The following ARPC5L variants were observed in gnomAD, a reference collection of about 807,000 sequenced individuals.
ARPC5L encodes actin related protein 2/3 complex subunit 5 like.
A neutral mutation model predicts 16.9 loss-of-function variants in ARPC5L; 4 were observed. That is an observed-to-expected ratio of 0.24 (90% CI 0.12 to 0.54). The LOEUF is 0.54. ARPC5L is among the 20% of genes least tolerant of loss of function. The pLI is 0.95. For synonymous variants in ARPC5L, 78 were observed against 82.6 expected (o/e 0.94, Z 0.30); for missense variants, 151 against 201.9 (o/e 0.75, Z 1.53).
At position 124,877,263 on chromosome 9, in the gene ARPC5L, G is replaced by T; in HGVS notation, c.*323G>T. ...ATGGTTTGGGCAGGTGCAGATCCAA[G>T]GGCTGTGGTAAACGGGAGAGCTTGT... On this transcript the variant is annotated 3_prime_UTR_variant, in exon 6 of 6. Transcript: ENST00000353214. 1 of 275,008 alleles carries T rather than the reference G, an allele frequency of 3.6e-6. No individual in the cohort carries two copies. Among genetic ancestry groups the T allele is most frequent in the Non-Finnish European group, 6.8e-6 (1 of 147,156 alleles). The allele number at this position is 275,008 out of a possible 1,614,324, so 17.0% of individuals were successfully genotyped here.
At chr9:124,865,357 G>C (rs956371950) in intron 2 of ARPC5L, among the ~76,000 whole-genome samples, 3 of 147,762 alleles carry the variant, frequency 2.0e-5, no homozygotes, top group Non-Finnish European at 4.4e-5. Flanking sequence ...ATGGTGCACA[G>C]TGCCTTTGCT....
chr9:124,864,207 A>C (rs1356089988), intron 2 of ARPC5L, 100 bp downstream of exon 2: 2 of 150,942 alleles, frequency 1.3e-5, no homozygotes, highest in African/African-American at 4.9e-5. Context: ...TTTTTTTGAA[A>C]TGGAGTCTTG....
At position 124,876,965 on chromosome 9, in the gene ARPC5L, C is replaced by T. The variant is rs749853895; in HGVS notation, c.*25C>T. ...AAAAAAATAAAAAGACTCATGTTAC[C>T]TTGAGAAGAATTCTGGATGCCCAGG... On this transcript the variant is annotated 3_prime_UTR_variant, in exon 6 of 6. Transcript: ENST00000353214. 11 of 1,589,158 alleles carry T rather than the reference C, an allele frequency of 6.9e-6. No homozygotes were observed. Among genetic ancestry groups the T allele is most frequent in the East Asian group, 2.2e-5 (1 of 44,582 alleles).
chr9:124,870,594 G>A (rs1829342275), intron 3 of ARPC5L, among the ~76,000 whole-genome samples: 1 of 152,192 alleles, frequency 6.6e-6, no homozygotes, highest in Admixed American at 6.5e-5. Context: ...GTTTTCCGAA[G>A]TGGAGATTCA....
Position 124,862,408 on chromosome 9 carries a change from G to A in ARPC5L, c.-984+10G>A, listed in dbSNP as rs1286664186. On this transcript the variant is annotated intron_variant, in intron 1 of 5. Coordinates refer to ENST00000353214, the MANE Select transcript of ARPC5L (RefSeq NM_030978.3). ...GGCTCACGTCGCGGAGGAATTTAAA[G>A]CGCGAGATGGACGGGAGGGGCGGGC... The A allele has an allele frequency of 6.4e-6, 1 of 156,318 alleles. No homozygotes were observed. Among genetic ancestry groups the A allele is most frequent in the Non-Finnish European group, 1.4e-5 (1 of 70,938 alleles). 9.7% of individuals were successfully genotyped at this position (156,318 alleles called of 1,614,324 possible). A position where few individuals can be genotyped will look rare whatever the true frequency, so the allele number is the denominator to read the frequency against.
intron 2 of ARPC5L, among the ~76,000 whole-genome samples, chr9:124,865,308 CTCTG>C (rs1829253645): frequency 9.9e-6 from 1 of 101,016 alleles, no homozygotes; most frequent in African/African-American, 3.9e-5. Flanking sequence ...AAGAGGGAAA[CTCTG>C]TCTAAAAAAA....
At chr9:124,873,994 G>A (rs138998756) in intron 4 of ARPC5L, among the ~76,000 whole-genome samples, 13 of 152,314 alleles carry the variant, frequency 8.5e-5, no homozygotes, top group Admixed American at 5.2e-4. Flanking sequence ...TCCTGCTCAC[G>A]GCCTCGTAGG....
rs554791164 is a variant in ARPC5L, at chr9:124,871,748, C to T, written c.150-1944C>T. Among the ~76,000 whole-genome samples, 9 of 152,128 alleles carry T rather than the reference C, an allele frequency of 5.9e-5. No homozygotes were observed. In the South Asian group the frequency reaches 1.5e-3, roughly 25 times the overall value. On this transcript the variant is annotated intron_variant, in intron 3 of 5. Transcript: ENST00000353214. ...CTCTGTCCAGAGCAGTGGTTGTGAGCGATTTTGCACCCTTCCCCTCCACCC... is the reference window on the plus strand; with the variant it reads ...CTCTGTCCAGAGCAGTGGTTGTGAGTGATTTTGCACCCTTCCCCTCCACCC...
Position 124,869,139 on chromosome 9 carries a change from G to C in ARPC5L, c.-152G>C. On this transcript the variant is annotated 5_prime_UTR_variant, in exon 3 of 6. Transcript: ENST00000353214. ...GATCCGGCGGGTGCCGGAAGTGGGC[G>C]GGCGGCGGCGGCTGCGCGCGGAGGC... 1 of 932,472 alleles carries C rather than the reference G, an allele frequency of 1.1e-6. No individual in the cohort carries two copies. The highest frequency in any genetic ancestry group is 1.4e-6 in the Non-Finnish European group (1 of 707,596). 57.8% of individuals were successfully genotyped at this position (932,472 alleles called of 1,614,324 possible).
chr9:124,869,154 C>A lies in ARPC5L; in HGVS notation c.-137C>A, dbSNP rs945202611. On this transcript the variant is annotated 5_prime_UTR_variant, in exon 3 of 6. Coordinates refer to ENST00000353214, the MANE Select transcript of ARPC5L (RefSeq NM_030978.3). The stretch of plus-strand genomic sequence containing the variant: ...GGAAGTGGGCGGGCGGCGGCGGCTG[C>A]GCGCGGAGGCGGTGGAGGAGGTGCT... 2.9e-6 allele frequency: 3 copies of A among 1,030,616 alleles called. No homozygotes were observed. Among genetic ancestry groups the A allele is most frequent in the East Asian group, 3.4e-5 (1 of 29,492 alleles). 63.8% of individuals were successfully genotyped at this position (1,030,616 alleles called of 1,614,324 possible). A position where few individuals can be genotyped will look rare whatever the true frequency, so the allele number is the denominator to read the frequency against.
chr9:124,868,911 G>C lies in ARPC5L; in HGVS notation c.-380G>C, dbSNP rs1332769384. The C allele has an allele frequency of 5.6e-6, 1 of 179,918 alleles. No individual in the cohort carries two copies. The highest frequency in any genetic ancestry group is 1.2e-5 in the Non-Finnish European group (1 of 86,668). 11.1% of individuals were successfully genotyped at this position (179,918 alleles called of 1,614,324 possible). On this transcript the variant is annotated 5_prime_UTR_variant, in exon 3 of 6. Transcript: ENST00000353214. ...CACGCGCCCGGCCCCGCTGAGGCCAGGGGCTCCTCGGAGGCGCGGGAAAGC... is the reference window on the plus strand; with the variant it reads ...CACGCGCCCGGCCCCGCTGAGGCCACGGGCTCCTCGGAGGCGCGGGAAAGC...
rs778651659 is a variant in ARPC5L, at chr9:124,875,112, A to C, written c.360A>C (p.Thr120=). 1.9e-6 allele frequency: 3 copies of C among 1,614,170 alleles called. No homozygotes were observed. Among genetic ancestry groups the C allele is most frequent in the Non-Finnish European group, 2.5e-6 (3 of 1,179,974 alleles). ...TTTATAAAGGCTTTGAGAAGCCCAC[A>C]GAAAATAGCAGCGCAGTGTTACTCC... ...KYIYKGFEKP[T]ENSSAVLLQW... is the part of the protein sequence containing the mutation. Residue 120 remains threonine (T), a synonymous_variant, in exon 5 of 6, where the codon ACA becomes ACC. Transcript: ENST00000353214.
chr9:124,873,900 C>T lies in ARPC5L; in HGVS notation c.222+136C>T, dbSNP rs958805789. 5 of 958,132 alleles carry T rather than the reference C, an allele frequency of 5.2e-6. No individual in the cohort carries two copies. In the Admixed American group the frequency reaches 1.1e-4, roughly 22 times the overall value. The allele number at this position is 958,132 out of a possible 1,614,324, so 59.4% of individuals were successfully genotyped here. On this transcript the variant is annotated intron_variant, in intron 4 of 5. Transcript: ENST00000353214. The stretch of plus-strand genomic sequence containing the variant: ...TGGGCGGGGCTTCCAGGGAAGCCTC[C>T]TGGCGCTCCCTAGGTGGTGAGGCTT...
chr9:124,866,659 G>A (rs569705319), intron 2 of ARPC5L, among the ~76,000 whole-genome samples: 20 of 151,860 alleles, frequency 1.3e-4, no homozygotes, highest in African/African-American at 4.8e-4. Flanking sequence ...CAGAGGTTGC[G>A]GTGAACTGAG....
intron 3 of ARPC5L, among the ~76,000 whole-genome samples, chr9:124,869,814 T>G (rs1355734861): frequency 2.0e-5 from 3 of 152,136 alleles, no homozygotes; most frequent in Non-Finnish European, 4.4e-5. Flanking sequence ...AAATCGGGCC[T>G]ATGGCGGGGC....
chr9:124,870,424 G>A (rs1289997881), intron 3 of ARPC5L, among the ~76,000 whole-genome samples: 1 of 152,108 alleles, frequency 6.6e-6, no homozygotes, highest in Admixed American at 6.5e-5. Context: ...ACGGGTGGGG[G>A]CAGGGTTGGA....
At chr9:124,872,902 G>T (rs965570566) in intron 3 of ARPC5L, 1 of 152,294 alleles carries the variant, frequency 6.6e-6, no homozygotes, top group Non-Finnish European at 1.5e-5. Context: ...GTAGAGACCC[G>T]ATTGGGCAGA....
Position 124,875,020 on chromosome 9 carries a change from A to G in ARPC5L, c.268A>G (p.Ser90Gly). ...GCTGAAAGTGCTCACAAACTTCAAG[A>G]GCAGTGAGATTGAGCAGGCTGTGCA... ...VVLKVLTNFKSSEIEQAVQSL... is the reference protein window; with the variant it reads ...VVLKVLTNFKGSEIEQAVQSL... The change falls in exon 5 of 6, where the codon AGC (serine) becomes GGC (glycine). Residue 90 changes from serine to glycine, a missense_variant. Ser to Gly is a moderately conservative substitution (Grantham distance 56). Transcript: ENST00000353214. 6.2e-7 allele frequency: 1 copy of G among 1,614,032 alleles called. No homozygotes were observed. Among genetic ancestry groups the G allele is most frequent in the Non-Finnish European group, 8.5e-7 (1 of 1,179,900 alleles).
intron 3 of ARPC5L, 46 bp downstream of exon 3, chr9:124,869,485 A>G (rs1451972252): frequency 3.0e-5 from 42 of 1,402,498 alleles, no homozygotes; most frequent in Non-Finnish European, 3.8e-5. Flanking sequence ...CGGCCTTCTC[A>G]CCTTCCCACC....
Sources: allele counts gnomAD v4.1 joint callset (sites outside exome capture counted in the v4.1 genomes callset), GRCh38; gene constraint gnomAD v4.1.1; transcripts MANE v1.5; gene names NCBI Gene and HGNC (gene_info 2026-07-23, HGNC 2026-07-21).